The following RALA variants were observed in gnomAD, a reference collection of about 807,000 sequenced individuals.
The protein encoded by RALA is RAS like proto-oncogene A, also known as ras-related protein Ral-A.
Under a neutral mutation model 24.0 loss-of-function variants are expected in RALA, and 5 were observed. That is an observed-to-expected ratio of 0.21 (90% CI 0.11 to 0.44). RALA has a LOEUF of 0.44. Ranked by LOEUF, RALA falls within the 20% of genes least tolerant of loss-of-function variation. The pLI, the probability that RALA is intolerant of heterozygous loss-of-function variation, is 0.99. For synonymous variants in RALA, 77 were observed against 83.8 expected, an observed-to-expected ratio of 0.92 and a Z score of 0.44; for missense variants, 95 against 241.2, an observed-to-expected ratio of 0.39 and a Z score of 4.01.
intron 1 of RALA, among the ~76,000 whole-genome samples, chr7:39,654,642 A>G (rs1013298894): frequency 4.6e-5 from 7 of 152,194 alleles, no homozygotes; most frequent in Admixed American, 6.5e-5. Context: ...GCCTAACTCT[A>G]TGCTTTCTTC....
In RALA at chr7:39,686,488, G is replaced by A. The variant is rs1792706558; in HGVS notation, c.-37-143G>A. On this transcript the variant is annotated intron_variant, in intron 1 of 4. Coordinates refer to ENST00000005257, the MANE Select transcript of RALA (RefSeq NM_005402.4). ...AAATGGTTCATGGTTTTTCCCCTAA[G>A]TGAGCATACTTCATTTGCCATCTGT... is the stretch of plus-strand genomic sequence containing the variant. The A allele has an allele frequency of 7.7e-6, 4 of 521,844 alleles. No homozygotes were observed. The East Asian group carries it at 1.2e-4, about 16-fold the overall frequency. The allele number at this position is 521,844 out of a possible 1,614,324, so 32.3% of individuals were successfully genotyped here. A position where few individuals can be genotyped will look rare whatever the true frequency, so the allele number is the denominator to read the frequency against.
chr7:39,699,800 G>A (rs1397218434), intron 4 of RALA, among the ~76,000 whole-genome samples: 2 of 152,164 alleles, frequency 1.3e-5, no homozygotes, highest in East Asian at 3.9e-4. Context: ...CACAGTTTAT[G>A]CTTTTTTCAC....
intron 4 of RALA, among the ~76,000 whole-genome samples, chr7:39,702,707 A>G (rs1280365144): frequency 6.6e-6 from 1 of 152,242 alleles, no homozygotes; most frequent in Non-Finnish European, 1.5e-5. Flanking sequence ...CCTGTCATTC[A>G]TGGCAATATG....
At chr7:39,699,419 C>T (rs549513306) in intron 4 of RALA, among the ~76,000 whole-genome samples, 44 of 152,160 alleles carry the variant, frequency 2.9e-4, no homozygotes, top group South Asian at 1.9e-3. Context: ...GGATTACAGG[C>T]GTGAGCCACC....
At chr7:39,666,211 C>CA (rs919474589) in intron 1 of RALA, among the ~76,000 whole-genome samples, 3 of 150,818 alleles carry the variant, frequency 2.0e-5, no homozygotes, top group African/African-American at 4.9e-5. Context: ...AGTAAAAATT[C>CA]AAAAAAAATG....
chr7:39,636,903 A>G (rs1791692527), intron 1 of RALA, among the ~76,000 whole-genome samples: 1 of 152,170 alleles, frequency 6.6e-6, no homozygotes, highest in Non-Finnish European at 1.5e-5. Context: ...AGAACTCACT[A>G]TCACTAGAAC....
At chr7:39,703,952 G>A (rs1793071753) in intron 4 of RALA, among the ~76,000 whole-genome samples, 1 of 152,080 alleles carries the variant, frequency 6.6e-6, no homozygotes, top group African/African-American at 2.4e-5. Context: ...GATCACCTGA[G>A]GTCAGGAGTT....
chr7:39,705,068 C>A (rs1181852585), intron 4 of RALA, among the ~76,000 whole-genome samples: 1 of 152,136 alleles, frequency 6.6e-6, no homozygotes, highest in Non-Finnish European at 1.5e-5. Context: ...CTTCCTTGTA[C>A]CCTCCTCCCT....
At position 39,686,833 on chromosome 7, in the gene RALA, C is replaced by T. The variant is rs79011063; in HGVS notation, c.114+52C>T. On this transcript the variant is annotated intron_variant, in intron 2 of 4. Coordinates refer to ENST00000005257, the MANE Select transcript of RALA (RefSeq NM_005402.4). ...AAGTTTAGGCTTTCAGAGAGTATTT[C>T]CCTAGCTTAGTTTTGGTGCTATTTT... 1,242 of 1,357,068 alleles carry T rather than the reference C, an allele frequency of 9.2e-4. 11 individuals carry two copies. In the African/African-American group the frequency reaches 0.016, roughly 17 times the overall value. 84.1% of individuals were successfully genotyped at this position (1,357,068 alleles called of 1,614,324 possible).
intron 1 of RALA, among the ~76,000 whole-genome samples, chr7:39,685,809 T>C (rs1045598754): frequency 2.0e-5 from 3 of 152,174 alleles, no homozygotes; most frequent in African/African-American, 7.2e-5. Context: ...TCTTCTTCTA[T>C]AAAATAGCAG....
rs538433711 is a variant in RALA at position 39,703,050 on chromosome 7, C to G, written c.499-3073C>G. On this transcript the variant is annotated intron_variant, in intron 4 of 4. Transcript: ENST00000005257. Reference sequence around the variant, plus strand: ...TGAGATGATGGATGTGCTAATTACCCTGGTCTTAGTCACTGTACGTTATAT... The same window carrying G: ...TGAGATGATGGATGTGCTAATTACCGTGGTCTTAGTCACTGTACGTTATAT... 4.6e-5 allele frequency: 7 copies of G among 152,284 alleles called. No individual in the cohort carries two copies. In the East Asian group the frequency reaches 1.3e-3, roughly 29 times the overall value. 9.4% of individuals were successfully genotyped at this position (152,284 alleles called of 1,614,324 possible). A position where few individuals can be genotyped will look rare whatever the true frequency, so the allele number is the denominator to read the frequency against.
chr7:39,634,210 C>T (rs1791647433), intron 1 of RALA, among the ~76,000 whole-genome samples: 1 of 152,034 alleles, frequency 6.6e-6, no homozygotes, highest in Admixed American at 6.5e-5. Flanking sequence ...TCTTCTTGTC[C>T]CTAGGTTGAG....
At chr7:39,633,487 C>T (rs986236308) in intron 1 of RALA, among the ~76,000 whole-genome samples, 2 of 152,122 alleles carry the variant, frequency 1.3e-5, no homozygotes, top group Non-Finnish European at 2.9e-5. Flanking sequence ...CATCAGATCT[C>T]GTGAGAACTC....
chr7:39,649,697 T>A (rs570117632), intron 1 of RALA, among the ~76,000 whole-genome samples: 1 of 152,244 alleles, frequency 6.6e-6, no homozygotes, highest in South Asian at 2.1e-4. Context: ...TTACCCAGGC[T>A]TACATGTTTT....
chr7:39,694,861 G>A (rs111355549), intron 3 of RALA, among the ~76,000 whole-genome samples: 4 of 151,720 alleles, frequency 2.6e-5, no homozygotes, highest in African/African-American at 9.7e-5. Flanking sequence ...TGGACAACAT[G>A]GTGAAACCCC....
At chr7:39,631,309 C>T (rs1791595162) in intron 1 of RALA, among the ~76,000 whole-genome samples, 1 of 151,984 alleles carries the variant, frequency 6.6e-6, no homozygotes, top group Admixed American at 6.6e-5. Flanking sequence ...TGCCCGGCCT[C>T]ATTGCTGTTT....
chr7:39,675,516 G>A (rs1276407991), intron 1 of RALA, among the ~76,000 whole-genome samples: 1 of 151,982 alleles, frequency 6.6e-6, no homozygotes, highest in Non-Finnish European at 1.5e-5. Context: ...AGGATCGCTC[G>A]AGCCCAGGCG....
In RALA at chr7:39,635,381, A is replaced by G. The variant is rs564613753; in HGVS notation, c.-38+11556A>G. Among the ~76,000 whole-genome samples the G allele has an allele frequency of 1.4e-3, 216 of 152,282 alleles. 3 individuals carry two copies. The highest frequency in any genetic ancestry group is 4.8e-3 in the African/African-American group (201 of 41,566). ...CAGAGCCAGACCTGTCTCGAAAAAGAAAAAGTACAATTTAGTGGTTTTTAA... is the reference window on the plus strand; with the variant it reads ...CAGAGCCAGACCTGTCTCGAAAAAGGAAAAGTACAATTTAGTGGTTTTTAA... On this transcript the variant is annotated intron_variant, in intron 1 of 4. Transcript: ENST00000005257.
intron 1 of RALA, among the ~76,000 whole-genome samples, chr7:39,635,433 C>T (rs1791671095): frequency 6.6e-6 from 1 of 152,084 alleles, no homozygotes; most frequent in Non-Finnish European, 1.5e-5. Context: ...CAATTATCAC[C>T]AATATCTAAT....
Sources: gnomAD v4.1 joint callset for allele counts (sites outside exome capture counted in the v4.1 genomes callset) on GRCh38, gnomAD v4.1.1 for gene constraint, MANE v1.5 for transcripts, NCBI Gene and HGNC (gene_info 2026-07-23, HGNC 2026-07-21) for gene names.